Variants in TRPM3 observed in about 807,000 individuals in gnomAD.
The protein encoded by TRPM3 is transient receptor potential cation channel subfamily M member 3.
TRPM3 carries 77 observed loss-of-function variants against 181.2 expected under a neutral mutation model. That is an observed-to-expected ratio of 0.42 (90% CI 0.35 to 0.51). The LOEUF (loss-of-function observed/expected upper bound fraction) is 0.51, where lower values mean the gene tolerates loss of function less well. TRPM3 is among the 20% of genes least tolerant of loss of function. TRPM3 has a pLI of 0.01. For synonymous variants in TRPM3, 745 were observed against 796.4 expected, an observed-to-expected ratio of 0.94 and a Z score of 1.09; for missense variants, 1,759 against 2,196.7, an observed-to-expected ratio of 0.80 and a Z score of 3.98.
At chr9:70,954,190 G>C (rs553226063) in intron 1 of TRPM3, among the ~76,000 whole-genome samples, 1 of 152,252 alleles carries the variant, frequency 6.6e-6, no homozygotes, top group African/African-American at 2.4e-5. Flanking sequence ...CATGTAGAGA[G>C]AGACTATGAC....
intron 12 of TRPM3, among the ~76,000 whole-genome samples, chr9:70,629,842 GA>G (rs1277399201): frequency 6.6e-6 from 1 of 152,226 alleles, no homozygotes; most frequent in African/African-American, 2.4e-5. Context: ...AGGGAGCAAA[GA>G]AGTTAGGGAA....
intron 1 of TRPM3, chr9:70,865,553 A>G (rs909158622): frequency 6.6e-6 from 1 of 152,104 alleles, no homozygotes; most frequent in Non-Finnish European, 1.5e-5. Flanking sequence ...ACCTGTCTCA[A>G]TGGTGTTAAC....
chr9:70,573,972 TCACACACACACA>T (rs59193514), intron 22 of TRPM3, among the ~76,000 whole-genome samples: 2,217 of 141,026 alleles, frequency 0.016, 59 homozygotes, highest in African/African-American at 0.057. Flanking sequence ...GCAATTCATT[TCACACACACACA>T]CACACACACA....
chr9:70,908,628 A>G (rs1486047526), intron 1 of TRPM3, among the ~76,000 whole-genome samples: 2 of 152,214 alleles, frequency 1.3e-5, no homozygotes, highest in African/African-American at 2.4e-5. Flanking sequence ...ATTCATCTAG[A>G]TTCAATGTAA....
intron 1 of TRPM3, among the ~76,000 whole-genome samples, chr9:71,334,620 C>CTA (rs2132560307): frequency 6.6e-6 from 1 of 152,212 alleles, no homozygotes; most frequent in South Asian, 2.1e-4. Flanking sequence ...CATCCCTGAA[C>CTA]TATAATCCTT....
In TRPM3 at chr9:70,917,033, A is replaced by G. The variant is rs1023461300; in HGVS notation, c.178-52522T>C. 8.2e-6 allele frequency: 13 copies of G among 1,578,994 alleles called. No homozygotes were observed. In the Middle Eastern group the frequency reaches 5.0e-4, roughly 61 times the overall value. On this transcript the variant is annotated intron_variant, in intron 1 of 25. Transcript: ENST00000677713. ...ACAAACAAGGTGAGTGGGTATAGAG[A>G]CTGGTATGTCGCTAAGGCAAGAAAA...
chr9:70,870,101 A>G (rs573592479), intron 1 of TRPM3, among the ~76,000 whole-genome samples: 1 of 152,120 alleles, frequency 6.6e-6, no homozygotes, highest in Admixed American at 6.5e-5. Context: ...TAAATCTGTG[A>G]GGGCAATGGG....
chr9:71,139,496 C>T (rs1181664291), intron 1 of TRPM3, among the ~76,000 whole-genome samples: 2 of 152,002 alleles, frequency 1.3e-5, no homozygotes, highest in Non-Finnish European at 2.9e-5. Context: ...AAAACAGAGT[C>T]GGGGTTGGAT....
chr9:70,634,832 C>T (rs968203826), intron 12 of TRPM3, among the ~76,000 whole-genome samples: 2 of 152,114 alleles, frequency 1.3e-5, no homozygotes, highest in East Asian at 3.9e-4. Context: ...GACATTGTAT[C>T]AGGAGCTGGT....
At chr9:71,437,882 A>G (rs988431085) in intron 1 of TRPM3, among the ~76,000 whole-genome samples, 1 of 147,000 alleles carries the variant, frequency 6.8e-6, no homozygotes, top group Non-Finnish European at 1.5e-5. Context: ...AAAAAAAAAG[A>G]AAAAAAAACC....
chr9:71,215,015 C>A (rs550534185), intron 1 of TRPM3, among the ~76,000 whole-genome samples: 3 of 135,710 alleles, frequency 2.2e-5, no homozygotes, highest in Non-Finnish European at 4.6e-5. Context: ...TATCTGTTCA[C>A]TCTGCCTCAC....
At chr9:71,207,550 T>A (rs978051197) in intron 1 of TRPM3, among the ~76,000 whole-genome samples, 4 of 152,142 alleles carry the variant, frequency 2.6e-5, no homozygotes, top group Admixed American at 2.6e-4. Flanking sequence ...GAGATAAATG[T>A]GATATCCAGA....
intron 8 of TRPM3, among the ~76,000 whole-genome samples, chr9:70,689,283 A>C (rs1262085287): frequency 6.6e-6 from 1 of 152,180 alleles, no homozygotes; most frequent in Non-Finnish European, 1.5e-5. Context: ...TTTTGCTATT[A>C]TTTAAAACTA....
intron 9 of TRPM3, among the ~76,000 whole-genome samples, chr9:70,657,731 A>T (rs2060563459): frequency 1.3e-5 from 2 of 152,246 alleles, no homozygotes; most frequent in African/African-American, 4.8e-5. Context: ...CTGAGTCTAA[A>T]AAGGACAGCA....
chr9:71,016,040 C>T (rs1321135327), intron 1 of TRPM3, among the ~76,000 whole-genome samples: 1 of 150,326 alleles, frequency 6.7e-6, no homozygotes, highest in Non-Finnish European at 1.5e-5. Context: ...ACTAAAAATA[C>T]AAAAATTAGC....
Position 70,540,013 on chromosome 9 carries a change from A to G in TRPM3, c.3708-2608T>C, listed in dbSNP as rs147713068. Among the ~76,000 whole-genome samples the G allele has an allele frequency of 4.5e-4, 69 of 152,082 alleles. 1 individual carries two copies. In the East Asian group the frequency reaches 0.013, roughly 28 times the overall value. ...CCATGCCCAGCTAATTTTTTGAAAC[A>G]TTTTTTATAGAGCTGGGGTCCACTA... is the stretch of plus-strand genomic sequence containing the variant. On this transcript the variant is annotated intron_variant, in intron 25 of 25. Coordinates refer to ENST00000677713, the MANE Select transcript of TRPM3 (RefSeq NM_001366145.2).
At chr9:70,891,825 A>G (rs1391697991) in intron 1 of TRPM3, among the ~76,000 whole-genome samples, 1 of 152,184 alleles carries the variant, frequency 6.6e-6, no homozygotes, top group Non-Finnish European at 1.5e-5. Context: ...CACATCCCAG[A>G]TAAGAAAACT....
chr9:70,979,135 C>T (rs748091323), intron 1 of TRPM3, among the ~76,000 whole-genome samples: 1 of 152,064 alleles, frequency 6.6e-6, no homozygotes, highest in Non-Finnish European at 1.5e-5. Flanking sequence ...TATACAAAGT[C>T]CCCGTTGGGC....
At chr9:71,330,804 C>A (rs753019833) in intron 1 of TRPM3, among the ~76,000 whole-genome samples, 2 of 151,768 alleles carry the variant, frequency 1.3e-5, no homozygotes, top group Non-Finnish European at 2.9e-5. Flanking sequence ...CACACAGATA[C>A]AGGAGGCAGA....
Sources: allele counts gnomAD v4.1 joint callset (sites outside exome capture counted in the v4.1 genomes callset), GRCh38; gene constraint gnomAD v4.1.1; transcripts MANE v1.5; gene names NCBI Gene and HGNC (gene_info 2026-07-23, HGNC 2026-07-21).